The following TECPR1 variants were observed in gnomAD, a reference collection of about 807,000 sequenced individuals.
TECPR1 encodes the protein tectonin beta-propeller repeat-containing protein 1.
Under a neutral mutation model 162.4 loss-of-function variants are expected in TECPR1, and 122 were observed. That is an observed-to-expected ratio of 0.75 (90% CI 0.65 to 0.87). The LOEUF is 0.87. Ranked by LOEUF, TECPR1 falls within the 40% of genes least tolerant of loss-of-function variation. The pLI is 0.00. For missense variants in TECPR1, 1,432 were observed against 1,618.2 expected, an observed-to-expected ratio of 0.88 and a Z score of 1.97; for synonymous variants, 642 against 670.6, an observed-to-expected ratio of 0.96 and a Z score of 0.66.
intron 23 of TECPR1, 54 bp from the exon 24 acceptor site, chr7:98,218,096 C>T: frequency 7.0e-7 from 1 of 1,432,794 alleles, no homozygotes; most frequent in Non-Finnish European, 9.5e-7. Flanking sequence ...GCCCCTCCTG[C>T]CCGTGCGGCC....
rs773752682 is a variant in TECPR1, at chr7:98,246,030, G to A, written c.117C>T (p.Ser39=). 1.3e-5 allele frequency: 20 copies of A among 1,591,936 alleles called. No individual in the cohort carries two copies. Among genetic ancestry groups the A allele is most frequent in the Middle Eastern group, 1.6e-4 (1 of 6,064 alleles). The change falls in exon 3 of 26, where the codon AGC becomes AGT. Residue 39 remains serine, a synonymous_variant. Transcript: ENST00000447648. ...TGCCCCAGCAGCACTGCGTGGTGGC[G>A]CTGACGCGCTTGAACTCCAGCTGGG... ...KDSQLEFKRV[S]ATTQCCWGIA... is the part of the protein sequence containing the mutation.
At chr7:98,230,829 T>TGGC (rs1218902424) in intron 15 of TECPR1, 132 bp downstream of exon 15, 1 of 1,221,008 alleles carries the variant, frequency 8.2e-7, no homozygotes, top group African/African-American at 1.5e-5. Flanking sequence ...TGGGAACCAG[T>TGGC]GGCCGTGCCT....
intron 11 of TECPR1, 195 bp downstream of exon 11, chr7:98,233,226 G>A (rs1000822954): frequency 2.8e-5 from 24 of 865,128 alleles, no homozygotes; most frequent in Non-Finnish European, 3.8e-5. Context: ...GTGCTTCCAG[G>A]TCCTGACAGC....
chr7:98,230,714 C>A (rs561058605), intron 15 of TECPR1, among the ~76,000 whole-genome samples: 1 of 152,164 alleles, frequency 6.6e-6, no homozygotes, highest in Admixed American at 6.5e-5. Flanking sequence ...ACATTCCTCC[C>A]GATGCTCAGA....
chr7:98,238,609 A>G lies in TECPR1; in HGVS notation c.935T>C (p.Val312Ala). The G allele has an allele frequency of 6.4e-7, 1 of 1,562,098 alleles. No individual in the cohort carries two copies. Among genetic ancestry groups the G allele is most frequent in the Non-Finnish European group, 8.7e-7 (1 of 1,153,124 alleles). ...VVWAVTKDWKVWFRRGVNSHN... is the reference protein window; with the variant it reads ...VVWAVTKDWKAWFRRGVNSHN... ...AGAGTTGACGCCTCTTCGGAACCAC[A>G]CCTGGGGGAGTCAGAAATAAACATG... The change falls in exon 9 of 26, where the codon GTG becomes GCG. Residue 312 changes from valine (V) to alanine (A), a missense_variant and splice_region_variant. By Grantham distance (64) the Val-to-Ala change is moderately conservative. Transcript: ENST00000447648.
chr7:98,237,193 T>C (rs1798627286), intron 9 of TECPR1, among the ~76,000 whole-genome samples: 1 of 151,876 alleles, frequency 6.6e-6, no homozygotes, highest in Non-Finnish European at 1.5e-5. Flanking sequence ...TGGGGGACGC[T>C]GTGTTAGGAA....
chr7:98,230,986 C>T lies in TECPR1; in HGVS notation c.2257G>A (p.Glu753Lys), dbSNP rs920644674. 6 of 1,612,266 alleles carry T rather than the reference C, an allele frequency of 3.7e-6. No individual in the cohort carries two copies. Among genetic ancestry groups the T allele is most frequent in the Non-Finnish European group, 3.4e-6 (4 of 1,179,420 alleles). The change falls in exon 15 of 26, where the codon GAG becomes AAG. Residue 753 changes from glutamate to lysine, a missense_variant. Coordinates refer to ENST00000447648, the MANE Select transcript of TECPR1 (RefSeq NM_015395.3). ...SEPSPDLEAH[E>K]HPLPCDQMFW... Reference sequence around the variant, plus strand: ...ATCTGGTCGCAGGGCAGGGGGTGCTCGTGGGCCTCCAGGTCTGGGCTGGGC... The same window carrying T: ...ATCTGGTCGCAGGGCAGGGGGTGCTTGTGGGCCTCCAGGTCTGGGCTGGGC...
Position 98,245,990 on chromosome 7 carries a change from G to A in TECPR1, c.157C>T (p.Gln53Ter). ...CTGGCACACACATACACGTAGACCT[G>A]GTTGTCACAGGCAATGCCCCAGCAG... ...QCCWGIACDN[Q>*]VYVYVCASDV... is the part of the protein sequence containing the mutation. Residue 53 changes from glutamine to a stop codon, truncating the protein, a stop_gained, in exon 3 of 26, where the codon CAG (glutamine) becomes TAG (stop). Coordinates refer to ENST00000447648, the MANE Select transcript of TECPR1 (RefSeq NM_015395.3). LOFTEE classifies it high-confidence loss of function. The A allele has an allele frequency of 1.2e-6, 2 of 1,606,184 alleles. No homozygotes were observed. Among genetic ancestry groups the A allele is most frequent in the South Asian group, 1.1e-5 (1 of 89,582 alleles).
At position 98,241,244 on chromosome 7, in the gene TECPR1, C is replaced by T. The variant is rs202206010; in HGVS notation, c.658G>A (p.Val220Met). ...SVWAVSLQGK[V>M]WYREDVSHSN... Reference sequence around the variant, plus strand: ...TGGCTGACGTCCTCTCTGTACCACACCTGGGAGGCAAGACAGGGACACAGC... The same window carrying T: ...TGGCTGACGTCCTCTCTGTACCACATCTGGGAGGCAAGACAGGGACACAGC... The change falls in exon 7 of 26, where the codon GTG becomes ATG. Residue 220 changes from valine (V) to methionine (M), a missense_variant and splice_region_variant. Physicochemically the swap from Val to Met is conservative, Grantham distance 21 (BLOSUM62 1). Transcript: ENST00000447648. The surrounding 1 kb of genome is among the most constrained non-coding windows in gnomAD (Gnocchi z 5.0). 2.5e-4 allele frequency: 410 copies of T among 1,612,374 alleles called. No homozygotes were observed. The highest frequency in any genetic ancestry group is 3.7e-4 in the Admixed American group (22 of 59,978).
chr7:98,229,133 C>T lies in TECPR1; in HGVS notation c.2316G>A (p.Met772Ile). Reference sequence around the variant, plus strand: ...CCACGCCCCGGCTGTTGGCCTCCACCATCCGCAGGTGGCCTCCCATCTGCC... The same window carrying T: ...CCACGCCCCGGCTGTTGGCCTCCACTATCCGCAGGTGGCCTCCCATCTGCC... ...FWRQMGGHLR[M>I]VEANSRGVVW... Residue 772 changes from methionine to isoleucine, a missense_variant, in exon 16 of 26, where the codon ATG becomes ATA. Met to Ile is a conservative substitution (Grantham distance 10, BLOSUM62 1). Coordinates refer to ENST00000447648, the MANE Select transcript of TECPR1 (RefSeq NM_015395.3). The T allele has an allele frequency of 1.3e-6, 2 of 1,565,360 alleles. No individual in the cohort carries two copies. The highest frequency in any genetic ancestry group is 8.7e-7 in the Non-Finnish European group (1 of 1,155,702).
chr7:98,248,577 C>T (rs1798972504), intron 2 of TECPR1, among the ~76,000 whole-genome samples: 1 of 142,936 alleles, frequency 7.0e-6, no homozygotes, highest in African/African-American at 2.6e-5. Flanking sequence ...TGTGGTGGCT[C>T]ACACCTGTAA....
chr7:98,244,727 C>T (rs774316719), intron 4 of TECPR1, 34 bp from the exon 5 acceptor site: 18 of 1,593,356 alleles, frequency 1.1e-5, no homozygotes, highest in African/African-American at 4.0e-5. Flanking sequence ...TCAGGCTCTG[C>T]GGGGAAGGCA....
In TECPR1 at chr7:98,230,973, G is replaced by A. The variant is rs200214797; in HGVS notation, c.2270C>T (p.Pro757Leu). 6.2e-7 allele frequency: 1 copy of A among 1,611,988 alleles called. No homozygotes were observed. The highest frequency in any genetic ancestry group is 2.2e-5 in the East Asian group (1 of 44,852). Residue 757 changes from proline to leucine, a missense_variant, in exon 15 of 26, where the codon CCC becomes CTC. Physicochemically the swap from Pro to Leu is moderately conservative, Grantham distance 98. Transcript: ENST00000447648. ...PDLEAHEHPL[P>L]CDQMFWRQMG... Reference sequence around the variant, plus strand: ...GCGGCTCACTCACATCTGGTCGCAGGGCAGGGGGTGCTCGTGGGCCTCCAG... The same window carrying A: ...GCGGCTCACTCACATCTGGTCGCAGAGCAGGGGGTGCTCGTGGGCCTCCAG...
chr7:98,231,632 G>T, intron 13 of TECPR1, 172 bp downstream of exon 13: 1 of 284,398 alleles, frequency 3.5e-6, no homozygotes. Flanking sequence ...CCCCTTCCCC[G>T]GGCACCCCCA....
At chr7:98,229,261 G>T in intron 15 of TECPR1, 95 bp from the exon 16 acceptor site, 1 of 1,470,040 alleles carries the variant, frequency 6.8e-7, no homozygotes. Flanking sequence ...CTGTGGTTCT[G>T]GGATTTTCCC....
At chr7:98,246,645 G>T (rs1468789163) in intron 2 of TECPR1, among the ~76,000 whole-genome samples, 1 of 150,392 alleles carries the variant, frequency 6.6e-6, no homozygotes, top group Non-Finnish European at 1.5e-5. Context: ...GCAATGGCAC[G>T]ATCTTGGGAT....
chr7:98,235,851 A>ACACAC (rs1554401452), intron 10 of TECPR1, among the ~76,000 whole-genome samples: 9 of 147,362 alleles, frequency 6.1e-5, no homozygotes, highest in African/African-American at 2.3e-4. Context: ...AAAAAAAAAA[A>ACACAC]CACCATCTGA....
At position 98,241,281 on chromosome 7, in the gene TECPR1, C is replaced by T; in HGVS notation, c.658-37G>A. The T allele has an allele frequency of 1.2e-6, 2 of 1,609,366 alleles. No individual in the cohort carries two copies. Among genetic ancestry groups the T allele is most frequent in the Non-Finnish European group, 1.7e-6 (2 of 1,177,844 alleles). The stretch of plus-strand genomic sequence containing the variant: ...GACAGGGACACAGCACCTGCATCAA[C>T]TCATTCACACCAGCCAAGCACGGGG... On this transcript the variant is annotated intron_variant, in intron 6 of 25. Transcript: ENST00000447648. This position sits in a 1 kb window ranked among gnomAD's most constrained non-coding sequence, Gnocchi z 5.0.
intron 15 of TECPR1, among the ~76,000 whole-genome samples, chr7:98,230,461 C>T (rs1333167576): frequency 6.6e-6 from 1 of 152,118 alleles, no homozygotes; most frequent in East Asian, 1.9e-4. Flanking sequence ...CCTCTCTCTG[C>T]CCACTCCTGC....
Sources: allele counts gnomAD v4.1 joint callset (sites outside exome capture counted in the v4.1 genomes callset), GRCh38; gene constraint gnomAD v4.1.1; non-coding constraint Gnocchi (gnomAD v3.1); transcripts MANE v1.5; gene names NCBI Gene and HGNC (gene_info 2026-07-23, HGNC 2026-07-21).